The following ZC3H12B variants were observed in gnomAD, a reference collection of about 807,000 sequenced individuals.
ZC3H12B encodes the protein zinc finger CCCH-type containing 12B, also known as probable ribonuclease ZC3H12B.
Under a neutral mutation model 43.9 loss-of-function variants are expected in ZC3H12B, and 7 were observed. That is an observed-to-expected ratio of 0.16 (90% confidence interval 0.09 to 0.30). ZC3H12B has a LOEUF of 0.30. Among genes scored for constraint, ZC3H12B ranks in the 10% least tolerant of loss-of-function variants. ZC3H12B has a pLI of 1.00. For missense variants in ZC3H12B, 475 were observed against 670.2 expected, an observed-to-expected ratio of 0.71 and a Z score of 3.22; for synonymous variants, 222 against 241.7, an observed-to-expected ratio of 0.92 and a Z score of 0.76.
chrX:65,212,720 A>G, the ZC3H12B span, among the ~76,000 whole-genome samples: 15 of 94,283 alleles, frequency 1.6e-4, no homozygotes, highest in East Asian at 9.3e-4. Flanking sequence ...TATCATATAT[A>G]TATCATATAT....
At chrX:65,266,256 A>T in the ZC3H12B span, among the ~76,000 whole-genome samples, 1 of 112,211 alleles carries the variant, frequency 8.9e-6, no homozygotes, top group African/African-American at 3.2e-5. Flanking sequence ...AATTCCAATT[A>T]GACAGATTAG....
At chrX:65,304,793 C>T in the ZC3H12B span, among the ~76,000 whole-genome samples, 202 of 110,519 alleles carry the variant, frequency 1.8e-3, no homozygotes, top group African/African-American at 5.5e-3. Flanking sequence ...TTATTAGGTG[C>T]GACACCATAG....
At chrX:65,152,467 T>G in the ZC3H12B span, among the ~76,000 whole-genome samples, 1 of 111,063 alleles carries the variant, frequency 9.0e-6, no homozygotes, top group African/African-American at 3.3e-5. Flanking sequence ...ATGAGTGAAC[T>G]CCCATTCACA....
intron 2 of ZC3H12B, among the ~76,000 whole-genome samples, chrX:65,397,295 C>G (rs1270947092): frequency 1.8e-5 from 2 of 111,735 alleles, no homozygotes; most frequent in Non-Finnish European, 3.8e-5. Flanking sequence ...CATGGTGTCA[C>G]TGGTCTTTAT....
At chrX:65,476,152 C>G (rs1211609098) in intron 3 of ZC3H12B, among the ~76,000 whole-genome samples, 1 of 111,492 alleles carries the variant, frequency 9.0e-6, no homozygotes, top group African/African-American at 3.3e-5. Context: ...CATTTTTCTC[C>G]CTAGATTTGG....
the ZC3H12B span, among the ~76,000 whole-genome samples, chrX:65,051,782 T>C: frequency 9.0e-6 from 1 of 110,533 alleles, no homozygotes; most frequent in Non-Finnish European, 1.9e-5. Flanking sequence ...CTAGGTTTTT[T>C]TAAGGACACT....
At chrX:65,109,438 G>T in the ZC3H12B span, among the ~76,000 whole-genome samples, 1 of 111,667 alleles carries the variant, frequency 9.0e-6, no homozygotes, top group African/African-American at 3.2e-5. Flanking sequence ...TCATCTAAAT[G>T]TAATCATAAC....
chrX:65,267,711 A>G, the ZC3H12B span, among the ~76,000 whole-genome samples: 1 of 111,944 alleles, frequency 8.9e-6, no homozygotes, highest in Non-Finnish European at 1.9e-5. Flanking sequence ...GGGAATTTTT[A>G]AGTATCTTGA....
At chrX:65,155,822 G>T in the ZC3H12B span, among the ~76,000 whole-genome samples, 1 of 110,388 alleles carries the variant, frequency 9.1e-6, no homozygotes, top group South Asian at 3.9e-4. Flanking sequence ...TCACATCACT[G>T]CACTCCAGTC....
At chrX:65,168,960 T>C in the ZC3H12B span, among the ~76,000 whole-genome samples, 1 of 111,654 alleles carries the variant, frequency 9.0e-6, no homozygotes, top group Admixed American at 9.6e-5. Flanking sequence ...TAGTGGTCTA[T>C]TTTGTTGATC....
chrX:65,119,092 T>C, the ZC3H12B span, among the ~76,000 whole-genome samples: 1 of 111,305 alleles, frequency 9.0e-6, no homozygotes, highest in Non-Finnish European at 1.9e-5. Flanking sequence ...CTATTGTGAA[T>C]AGTGCTGCAG....
chrX:65,202,039 TA>T, the ZC3H12B span, among the ~76,000 whole-genome samples: 18 of 88,019 alleles, frequency 2.0e-4, 1 homozygote, highest in South Asian at 8.9e-3. Context: ...TAAATTACTT[TA>T]TAATATAATA....
At chrX:65,256,705 A>T in the ZC3H12B span, among the ~76,000 whole-genome samples, 1 of 111,929 alleles carries the variant, frequency 8.9e-6, no homozygotes, top group African/African-American at 3.2e-5. Context: ...GAAATGAAGG[A>T]TATTGAGACA....
At chrX:65,340,288 C>T in the ZC3H12B span, among the ~76,000 whole-genome samples, 1 of 112,348 alleles carries the variant, frequency 8.9e-6, no homozygotes, top group Non-Finnish European at 1.9e-5. Flanking sequence ...GCCTCCACTA[C>T]TGCTGTGAAC....
chrX:65,144,545 C>T, the ZC3H12B span, among the ~76,000 whole-genome samples: 1 of 111,095 alleles, frequency 9.0e-6, no homozygotes, highest in African/African-American at 3.3e-5. Context: ...TCTCTAGTTC[C>T]TTGAGGTGTG....
At chrX:65,324,587 C>A in the ZC3H12B span, among the ~76,000 whole-genome samples, 1 of 110,405 alleles carries the variant, frequency 9.1e-6, no homozygotes, top group Non-Finnish European at 1.9e-5. Flanking sequence ...ATTTAATTTC[C>A]ATGTATTTGT....
intron 3 of ZC3H12B, chrX:65,469,238 C>T (rs756273966): frequency 1.1e-4 from 26 of 235,829 alleles, no homozygotes; most frequent in Non-Finnish European, 1.6e-4. Context: ...TGCAAAGGGG[C>T]AAGTCAAAGG....
At chrX:65,132,659 G>A in the ZC3H12B span, among the ~76,000 whole-genome samples, 1 of 111,438 alleles carries the variant, frequency 9.0e-6, no homozygotes, top group Non-Finnish European at 1.9e-5. Context: ...TAACTAAGAA[G>A]GAGTGCATAA....
chrX:65,143,608 G>T, the ZC3H12B span, among the ~76,000 whole-genome samples: 1 of 107,171 alleles, frequency 9.3e-6, no homozygotes, highest in Non-Finnish European at 1.9e-5. Context: ...TGTTGCCCAG[G>T]TTGGAGTGCT....
Sources: gnomAD v4.1 joint callset for allele counts (sites outside exome capture counted in the v4.1 genomes callset) on GRCh38, gnomAD v4.1.1 for gene constraint, MANE v1.5 for transcripts, NCBI Gene and HGNC (gene_info 2026-07-23, HGNC 2026-07-21) for gene names.